The following CHL1 variants were observed in gnomAD, a reference collection of about 807,000 sequenced individuals.
The protein encoded by CHL1 is cell adhesion molecule L1 like.
Under a neutral mutation model 141.9 loss-of-function variants are expected in CHL1, and 96 were observed. That is an observed-to-expected ratio of 0.68 (90% CI 0.57 to 0.80). The LOEUF is 0.80. Ranked by LOEUF, CHL1 falls within the 30% of genes least tolerant of loss-of-function variation. CHL1 has a pLI of 0.00. For synonymous variants in CHL1, 613 were observed against 502.2 expected (o/e 1.22, Z -2.95); for missense variants, 1,820 against 1,457.2 (o/e 1.25, Z -4.05).
intron 19 of CHL1, among the ~76,000 whole-genome samples, chr3:388,718 A>G (rs965498019): frequency 6.6e-6 from 1 of 152,160 alleles, no homozygotes; most frequent in East Asian, 1.9e-4. Context: ...GTATTAAAAT[A>G]TGAACATTCA....
intron 23 of CHL1, among the ~76,000 whole-genome samples, chr3:392,581 A>G (rs1708316608): frequency 6.6e-6 from 1 of 152,170 alleles, no homozygotes; most frequent in Non-Finnish European, 1.5e-5. Context: ...CATTATAGAA[A>G]ATTTTATCAA....
intron 2 of CHL1, among the ~76,000 whole-genome samples, chr3:249,384 A>C (rs1693473608): frequency 6.6e-6 from 1 of 152,154 alleles, no homozygotes; most frequent in Non-Finnish European, 1.5e-5. Context: ...ACCCTAAAGG[A>C]GGGAAAAAAA....
chr3:345,328 C>G (rs889660577), intron 9 of CHL1, among the ~76,000 whole-genome samples: 1 of 150,514 alleles, frequency 6.6e-6, no homozygotes, highest in Non-Finnish European at 1.5e-5. Flanking sequence ...CTATTTATAT[C>G]TATTTTTACT....
intron 2 of CHL1, among the ~76,000 whole-genome samples, chr3:271,113 C>T (rs1695597279): frequency 6.6e-6 from 1 of 152,162 alleles, no homozygotes; most frequent in Non-Finnish European, 1.5e-5. Context: ...GCCAAAAATA[C>T]TGCTCCAATC....
chr3:265,401 G>A (rs994247311), intron 2 of CHL1, among the ~76,000 whole-genome samples: 2 of 152,168 alleles, frequency 1.3e-5, no homozygotes, highest in African/African-American at 4.8e-5. Flanking sequence ...ATGAATATTT[G>A]CTATAATATT....
chr3:203,845 C>G (rs1490786096), intron 1 of CHL1, among the ~76,000 whole-genome samples: 1 of 152,128 alleles, frequency 6.6e-6, no homozygotes, highest in Admixed American at 6.5e-5. Context: ...CAGAGCAGAG[C>G]AGGATGGAGG....
At chr3:378,195 C>T (rs1178715575) in intron 16 of CHL1, among the ~76,000 whole-genome samples, 2 of 151,972 alleles carry the variant, frequency 1.3e-5, no homozygotes, top group Admixed American at 1.3e-4. Context: ...TGATGCTATC[C>T]GCAGAAAGAA....
chr3:299,533 C>T (rs965460244), intron 2 of CHL1, among the ~76,000 whole-genome samples: 1 of 152,142 alleles, frequency 6.6e-6, no homozygotes, highest in Non-Finnish European at 1.5e-5. Context: ...TGAGAAATTA[C>T]TATGTTCCAG....
chr3:242,384 C>G (rs1291543990), intron 1 of CHL1, among the ~76,000 whole-genome samples: 3 of 142,276 alleles, frequency 2.1e-5, no homozygotes, highest in Non-Finnish European at 4.6e-5. Context: ...ATCACGAGGT[C>G]AGGAGATCGA....
chr3:259,968 A>C (rs994371516), intron 2 of CHL1, among the ~76,000 whole-genome samples: 1 of 152,114 alleles, frequency 6.6e-6, no homozygotes, highest in African/African-American at 2.4e-5. Context: ...GTAATGAGTA[A>C]ATTTTTGAAA....
intron 2 of CHL1, among the ~76,000 whole-genome samples, chr3:274,796 C>A (rs1695944480): frequency 6.6e-6 from 1 of 152,112 alleles, no homozygotes; most frequent in Non-Finnish European, 1.5e-5. Context: ...TTCTCTGTTT[C>A]TTTTATCTGT....
intron 10 of CHL1, among the ~76,000 whole-genome samples, chr3:353,791 G>A (rs1288832395): frequency 1.3e-5 from 2 of 152,144 alleles, no homozygotes; most frequent in Non-Finnish European, 2.9e-5. Flanking sequence ...AACTACACTT[G>A]ATGGGAGTTG....
At chr3:357,180 G>A (rs567814664) in intron 11 of CHL1, among the ~76,000 whole-genome samples, 17 of 152,302 alleles carry the variant, frequency 1.1e-4, no homozygotes, top group Admixed American at 2.6e-4. Context: ...ATCCAAGCTC[G>A]GTGTTCTGTT....
intron 15 of CHL1, among the ~76,000 whole-genome samples, chr3:369,142 G>A (rs1705289204): frequency 6.6e-6 from 1 of 152,002 alleles, no homozygotes; most frequent in Non-Finnish European, 1.5e-5. Context: ...GAATGTCAAT[G>A]GTAGTTTGAT....
intron 2 of CHL1, among the ~76,000 whole-genome samples, chr3:284,463 T>G (rs1696949601): frequency 6.6e-6 from 1 of 152,220 alleles, no homozygotes; most frequent in African/African-American, 2.4e-5. Flanking sequence ...CACTGGGAAC[T>G]GTTCCAAACC....
chr3:390,179 A>T (rs9836576), intron 20 of CHL1, among the ~76,000 whole-genome samples: 141,868 of 152,278 alleles, frequency 0.93, 66,487 homozygotes, highest in East Asian at 1. Flanking sequence ...ACATATCACA[A>T]GTGAATTAAG....
At chr3:297,395 G>T (rs1400458730) in intron 2 of CHL1, among the ~76,000 whole-genome samples, 3 of 151,946 alleles carry the variant, frequency 2.0e-5, no homozygotes, top group Non-Finnish European at 4.4e-5. Flanking sequence ...TGCTGCAGTT[G>T]CTCTCTTTTG....
intron 2 of CHL1, among the ~76,000 whole-genome samples, chr3:257,680 C>T (rs1694307113): frequency 6.6e-6 from 1 of 152,098 alleles, no homozygotes; most frequent in Non-Finnish European, 1.5e-5. Flanking sequence ...CAGCAAACCT[C>T]AAAATCAGAG....
At chr3:236,408 A>G (rs968968596) in intron 1 of CHL1, among the ~76,000 whole-genome samples, 1 of 152,116 alleles carries the variant, frequency 6.6e-6, no homozygotes, top group African/African-American at 2.4e-5. Context: ...TCAGCCTTCT[A>G]TAGGGAAGGG....
Sources: gnomAD v4.1 joint callset for allele counts (sites outside exome capture counted in the v4.1 genomes callset) on GRCh38, gnomAD v4.1.1 for gene constraint, MANE v1.5 for transcripts, NCBI Gene and HGNC (gene_info 2026-07-23, HGNC 2026-07-21) for gene names.